Variants in TNR observed in about 807,000 individuals in gnomAD.
TNR encodes tenascin-R.
A neutral mutation model predicts 150.4 loss-of-function variants in TNR; 45 were observed. The observed-to-expected ratio is 0.30, with a 90% confidence interval of 0.24 to 0.38. TNR has a LOEUF of 0.38. Among genes scored for constraint, TNR ranks in the 10% least tolerant of loss-of-function variants. TNR has a pLI of 1.00. For missense variants in TNR, 1,544 were observed against 1,759.1 expected, an observed-to-expected ratio of 0.88 and a Z score of 2.19; for synonymous variants, 687 against 678.4, an observed-to-expected ratio of 1.01 and a Z score of -0.20.
intron 7 of TNR, among the ~76,000 whole-genome samples, 200 bp from the exon 8 acceptor site, chr1:175,386,501 T>G (rs1341854714): frequency 6.6e-6 from 1 of 152,198 alleles, no homozygotes; most frequent in Non-Finnish European, 1.5e-5. Context: ...TTGATTCCCC[T>G]GAATTTTGGT....
At chr1:175,433,773 G>A (rs1216786321) in intron 2 of TNR, among the ~76,000 whole-genome samples, 44 of 152,196 alleles carry the variant, frequency 2.9e-4, no homozygotes, top group Admixed American at 2.9e-3. Flanking sequence ...ACTCTGAGCT[G>A]ATGTAATAAG....
chr1:175,415,480 T>A (rs1265294995), intron 2 of TNR, among the ~76,000 whole-genome samples: 1 of 152,256 alleles, frequency 6.6e-6, no homozygotes, highest in Non-Finnish European at 1.5e-5. Context: ...GCCTGGGTGC[T>A]GCCTCCCACT....
At chr1:175,399,065 A>G (rs1414923508) in intron 4 of TNR, among the ~76,000 whole-genome samples, 1 of 152,230 alleles carries the variant, frequency 6.6e-6, no homozygotes, top group Non-Finnish European at 1.5e-5. Context: ...GCCTCCTTTC[A>G]TTTATACATG....
chr1:175,618,330 A>G (rs1663846532), intron 1 of TNR, among the ~76,000 whole-genome samples: 3 of 152,196 alleles, frequency 2.0e-5, no homozygotes, highest in African/African-American at 7.2e-5. Context: ...GTTTAAAGTG[A>G]TATCATTAGA....
intron 2 of TNR, among the ~76,000 whole-genome samples, chr1:175,499,269 CGTGA>C (rs1204344601): frequency 6.6e-6 from 1 of 152,128 alleles, no homozygotes; most frequent in Non-Finnish European, 1.5e-5. Flanking sequence ...AAGCATGCCT[CGTGA>C]GTAATAATAA....
chr1:175,498,694 A>G (rs1343148131), intron 2 of TNR, among the ~76,000 whole-genome samples: 3 of 152,158 alleles, frequency 2.0e-5, no homozygotes, highest in Non-Finnish European at 4.4e-5. Context: ...ATTGGAGAAA[A>G]CCATCGAGGG....
intron 7 of TNR, among the ~76,000 whole-genome samples, chr1:175,386,526 A>G (rs1051126158): frequency 6.6e-6 from 1 of 152,106 alleles, no homozygotes; most frequent in Non-Finnish European, 1.5e-5. Context: ...CTGCTCTTTT[A>G]CCAGGCTGTA....
At chr1:175,357,410 G>T (rs1043838379) in intron 15 of TNR, among the ~76,000 whole-genome samples, 5 of 152,182 alleles carry the variant, frequency 3.3e-5, no homozygotes, top group Admixed American at 6.5e-5. Flanking sequence ...AGGGCTTTGA[G>T]ATTTCAAGTT....
intron 1 of TNR, among the ~76,000 whole-genome samples, chr1:175,739,690 CTTCT>C (rs1311806059): frequency 2.0e-5 from 3 of 152,134 alleles, no homozygotes; most frequent in Non-Finnish European, 2.9e-5. Flanking sequence ...CTGTAAGTGG[CTTCT>C]GGTTCTAAAT....
intron 1 of TNR, among the ~76,000 whole-genome samples, chr1:175,719,757 G>A (rs896784509): frequency 1.3e-5 from 2 of 152,198 alleles, no homozygotes; most frequent in Non-Finnish European, 2.9e-5. Context: ...GATACAGCAA[G>A]TTCTCCTTTA....
At chr1:175,509,910 G>A (rs1235560935) in intron 2 of TNR, among the ~76,000 whole-genome samples, 1 of 152,114 alleles carries the variant, frequency 6.6e-6, no homozygotes, top group Non-Finnish European at 1.5e-5. Flanking sequence ...GTATGTGTAT[G>A]TGTTAAATTC....
intron 15 of TNR, among the ~76,000 whole-genome samples, chr1:175,359,139 C>CTTTTTTTTTTTTTTTTTTTTTTTTTT (rs758610631): frequency 4.7e-5 from 2 of 42,138 alleles, no homozygotes; most frequent in Admixed American, 4.0e-4. Flanking sequence ...GGGATATCTT[C>CTTTTTTTTTTTTTTTTTTTTTTTTTT]TTTTTTTTTT....
At chr1:175,327,890 C>G (rs1176508261) in intron 21 of TNR, among the ~76,000 whole-genome samples, 1 of 152,166 alleles carries the variant, frequency 6.6e-6, no homozygotes, top group Non-Finnish European at 1.5e-5. Context: ...GGTGGATCAC[C>G]ACAGGACAGG....
intron 1 of TNR, among the ~76,000 whole-genome samples, chr1:175,573,740 G>A (rs1261328517): frequency 2.0e-5 from 3 of 152,198 alleles, no homozygotes; most frequent in Non-Finnish European, 4.4e-5. Flanking sequence ...GGTGGGCGTG[G>A]GAGTTGATGC....
intron 1 of TNR, among the ~76,000 whole-genome samples, chr1:175,585,616 C>T (rs186387468): frequency 5.9e-5 from 9 of 152,274 alleles, no homozygotes; most frequent in East Asian, 1.9e-4. Flanking sequence ...CACTCTGGCT[C>T]GAAAGACAGG....
chr1:175,353,497 A>T (rs1651162892), intron 18 of TNR, among the ~76,000 whole-genome samples: 1 of 152,214 alleles, frequency 6.6e-6, no homozygotes, highest in Admixed American at 6.5e-5. Context: ...GGCAGCCGGA[A>T]CAGCTGCATT....
intron 2 of TNR, among the ~76,000 whole-genome samples, chr1:175,428,104 G>T (rs779004234): frequency 9.9e-5 from 15 of 152,196 alleles, no homozygotes; most frequent in Non-Finnish European, 2.1e-4. Flanking sequence ...GTAACCTCAA[G>T]ATGTGTAAGT....
chr1:175,571,170 C>T (rs1393821521), intron 1 of TNR, among the ~76,000 whole-genome samples: 1 of 152,146 alleles, frequency 6.6e-6, no homozygotes, highest in East Asian at 1.9e-4. Flanking sequence ...TGACCTTGGC[C>T]CAGTTGAGAA....
intron 1 of TNR, among the ~76,000 whole-genome samples, chr1:175,688,157 C>T (rs1666256883): frequency 1.3e-5 from 2 of 152,222 alleles, no homozygotes; most frequent in Non-Finnish European, 2.9e-5. Flanking sequence ...TGCCTTGTGT[C>T]AAATGAGCCC....
Sources: gnomAD v4.1 joint callset for allele counts (sites outside exome capture counted in the v4.1 genomes callset) on GRCh38, gnomAD v4.1.1 for gene constraint, MANE v1.5 for transcripts, NCBI Gene and HGNC (gene_info 2026-07-23, HGNC 2026-07-21) for gene names.